ZDHHC11: variants seen among roughly 807,000 people sequenced by gnomAD.
ZDHHC11 encodes palmitoyltransferase ZDHHC11.
In ZDHHC11, 44 loss-of-function variants were observed where a neutral mutation model predicts 51.3. The observed-to-expected ratio is 0.86, with a 90% CI of 0.67 to 1.10. The LOEUF is 1.10. Ranked by LOEUF, ZDHHC11 falls within the 50% of genes least tolerant of loss-of-function variation. The pLI is 0.00. For synonymous variants in ZDHHC11, 163 were observed against 222.0 expected (o/e 0.73, Z 2.36); for missense variants, 400 against 537.7 (o/e 0.74, Z 2.53).
intron 3 of ZDHHC11, among the ~76,000 whole-genome samples, chr5:844,819 C>G (rs1358524950): frequency 6.6e-6 from 1 of 152,426 alleles, no homozygotes; most frequent in South Asian, 2.1e-4. Context: ...CAAATCCACT[C>G]CCAGTCTCTC....
At chr5:807,474 A>G (rs1739438482) in intron 11 of ZDHHC11, among the ~76,000 whole-genome samples, 1 of 151,464 alleles carries the variant, frequency 6.6e-6, no homozygotes, top group African/African-American at 2.4e-5. Context: ...CTCCACTATC[A>G]TAAATAAACA....
intron 8 of ZDHHC11, chr5:823,940 C>T (rs1741910064): frequency 2.5e-6 from 1 of 406,494 alleles, no homozygotes; most frequent in Non-Finnish European, 5.0e-6. Flanking sequence ...TCGATTTCCA[C>T]CGAGTGTGTC....
chr5:807,671 C>T (rs1180626228), intron 11 of ZDHHC11, among the ~76,000 whole-genome samples: 2 of 152,164 alleles, frequency 1.3e-5, no homozygotes, highest in Non-Finnish European at 2.9e-5. Flanking sequence ...CAGGAGCTCA[C>T]ACACAACCTT....
At chr5:816,421 C>T (rs1221730931) in intron 10 of ZDHHC11, 7 of 433,822 alleles carry the variant, frequency 1.6e-5, no homozygotes, top group African/African-American at 6.0e-5. Flanking sequence ...GTTCCAGCTG[C>T]GGGACAGGCA....
At chr5:800,479 A>G (rs557236775) in intron 12 of ZDHHC11, among the ~76,000 whole-genome samples, 47 of 151,056 alleles carry the variant, frequency 3.1e-4, no homozygotes, top group African/African-American at 1.1e-3. Context: ...GAGGGGATAT[A>G]GTAGTGGAGG....
intron 1 of ZDHHC11, among the ~76,000 whole-genome samples, chr5:849,996 C>T (rs1392786163): frequency 1.3e-5 from 2 of 152,252 alleles, no homozygotes; most frequent in South Asian, 2.1e-4. Flanking sequence ...CGCAGGCTGC[C>T]GACCTGCGGG....
intron 11 of ZDHHC11, among the ~76,000 whole-genome samples, chr5:811,590 C>A (rs1379196718): frequency 2.0e-5 from 3 of 147,830 alleles, no homozygotes; most frequent in Non-Finnish European, 4.4e-5. Flanking sequence ...AAGAGCAAGG[C>A]AGGAACTTGC....
chr5:821,823 T>A (rs529414549), intron 9 of ZDHHC11, 38 bp downstream of exon 9: 1 of 1,558,838 alleles, frequency 6.4e-7, no homozygotes, highest in East Asian at 2.2e-5. Flanking sequence ...ACTATGTTAC[T>A]AATAGATAAA....
chr5:821,135 G>T (rs1015306932), intron 9 of ZDHHC11: 2 of 151,460 alleles, frequency 1.3e-5, no homozygotes, highest in Admixed American at 1.3e-4. Flanking sequence ...TATGAATAAC[G>T]TCTTTACCCT....
chr5:807,973 A>G (rs368545177), intron 11 of ZDHHC11, among the ~76,000 whole-genome samples: 9,138 of 125,342 alleles, frequency 0.073, 218 homozygotes, highest in East Asian at 0.2. Flanking sequence ...TGCAGCTAAG[A>G]GAAGGCCACA....
At chr5:818,195 A>C (rs1412529372) in intron 10 of ZDHHC11, among the ~76,000 whole-genome samples, 1 of 150,738 alleles carries the variant, frequency 6.6e-6, no homozygotes, top group Admixed American at 6.6e-5. Flanking sequence ...AGAGAGACCG[A>C]GGGGACTCAC....
chr5:829,751 G>C (rs552310026), intron 7 of ZDHHC11, among the ~76,000 whole-genome samples: 3 of 151,486 alleles, frequency 2.0e-5, no homozygotes, highest in Non-Finnish European at 2.9e-5. Flanking sequence ...CAAAATACTA[G>C]CGAACCGAAT....
upstream of ZDHHC11, among the ~76,000 whole-genome samples, chr5:855,242 C>T (rs184443335): frequency 1.0e-2 from 1,349 of 135,268 alleles, 20 homozygotes; most frequent in African/African-American, 0.037. Flanking sequence ...CAGAGGACAG[C>T]GAGCCGGGGG....
At chr5:842,031 C>A in intron 4 of ZDHHC11, 1 of 986,904 alleles carries the variant, frequency 1.0e-6, no homozygotes, top group Non-Finnish European at 1.2e-6. Context: ...GAGTTCAGCC[C>A]ATGAGAAGAA....
At chr5:851,970 C>T (rs573476914), upstream of ZDHHC11, among the ~76,000 whole-genome samples, 74 of 151,726 alleles carry the variant, frequency 4.9e-4, no homozygotes, top group African/African-American at 1.5e-3. Context: ...GCATGAGAAT[C>T]GTTTGAACCT....
rs1413342232 is a variant in ZDHHC11 at position 822,463 on chromosome 5, C to A, written c.1024-568G>T. On this transcript the variant is annotated intron_variant, in intron 8 of 12. Transcript: ENST00000283441. The stretch of plus-strand genomic sequence containing the variant: ...GTGGAAGCTCTAGCAAAGAAAAACA[C>A]CTGCTATGTGTGCACACACATGTTG... 1.3e-5 allele frequency among the ~76,000 whole-genome samples: 2 copies of A among 151,548 alleles called. 1 individual carries two copies. The highest frequency in any genetic ancestry group is 3.0e-5 in the Non-Finnish European group (2 of 67,748).
intron 11 of ZDHHC11, among the ~76,000 whole-genome samples, chr5:808,497 T>G (rs1201729139): frequency 6.7e-6 from 1 of 148,166 alleles, no homozygotes; most frequent in Admixed American, 6.7e-5. Context: ...TTTGGACGTC[T>G]GCATGTGTCT....
chr5:806,612 CTCTA>C (rs1329372792), intron 11 of ZDHHC11, among the ~76,000 whole-genome samples: 3 of 149,288 alleles, frequency 2.0e-5, no homozygotes, highest in African/African-American at 7.6e-5. Context: ...CATGGACAGA[CTCTA>C]TCTGTAATTC....
At chr5:803,682 C>T (rs1190084450) in intron 11 of ZDHHC11, among the ~76,000 whole-genome samples, 1 of 150,980 alleles carries the variant, frequency 6.6e-6, no homozygotes, top group African/African-American at 2.4e-5. Flanking sequence ...ATTTGAACTA[C>T]TAGTCAAACA....
Sources: allele counts gnomAD v4.1 joint callset (sites outside exome capture counted in the v4.1 genomes callset), GRCh38; gene constraint gnomAD v4.1.1; transcripts MANE v1.5; gene names NCBI Gene and HGNC (gene_info 2026-07-23, HGNC 2026-07-21).